PARN: variants seen among roughly 807,000 people sequenced by gnomAD.
PARN encodes the protein poly(A)-specific ribonuclease PARN.
Under a neutral mutation model 102.8 loss-of-function variants are expected in PARN, and 71 were observed. The ratio of observed to expected loss-of-function variants is 0.69; its 90% CI spans 0.57 to 0.84. The LOEUF is 0.84. Ranked by LOEUF, PARN falls within the 40% of genes least tolerant of loss-of-function variation. The probability of loss-of-function intolerance (pLI) is 0.00; values close to 1 mark genes in which losing one functional copy is unlikely to be tolerated. For synonymous variants in PARN, 261 were observed against 252.9 expected, an observed-to-expected ratio of 1.03 and a Z score of -0.30; for missense variants, 782 against 760.9, an observed-to-expected ratio of 1.03 and a Z score of -0.33.
chr16:14,485,197 C>T (rs1567312709), intron 21 of PARN, among the ~76,000 whole-genome samples: 2 of 151,904 alleles, frequency 1.3e-5, no homozygotes, highest in Non-Finnish European at 2.9e-5. Context: ...TGGAGATGTG[C>T]TATTGAGTAA....
intron 21 of PARN, among the ~76,000 whole-genome samples, chr16:14,524,020 A>G (rs1202030142): frequency 6.6e-6 from 1 of 152,196 alleles, no homozygotes; most frequent in African/African-American, 2.4e-5. Flanking sequence ...TTGTTTACCT[A>G]AACACAGAAA....
chr16:14,608,281 T>C lies in PARN; in HGVS notation c.659A>G (p.Lys220Arg). 6.5e-7 allele frequency: 1 copy of C among 1,534,786 alleles called. No homozygotes were observed. ...RKLIYQTLSW[K>R]YPKGIHVETL... ...TGCTGCATACAATATAAATACTTAC[T>C]TCCAGCTCAAAGTCTGATAAATTAG... The change falls in exon 9 of 24, where the codon AAG becomes AGG. Residue 220 changes from lysine to arginine, a missense_variant and splice_region_variant. Physicochemically the swap from Lys to Arg is conservative, Grantham distance 26 (BLOSUM62 2). Transcript: ENST00000437198.
intron 21 of PARN, among the ~76,000 whole-genome samples, chr16:14,548,069 C>A (rs1280640169): frequency 6.6e-6 from 1 of 151,848 alleles, no homozygotes; most frequent in East Asian, 1.9e-4. Context: ...ACGGTGAAAC[C>A]CTGTCCCTAC....
chr16:14,589,507 G>C (rs1714451230), intron 13 of PARN, among the ~76,000 whole-genome samples: 1 of 151,970 alleles, frequency 6.6e-6, no homozygotes, highest in South Asian at 2.1e-4. Context: ...TGAGGCTGCA[G>C]TGAGCCAAGA....
At chr16:14,600,178 T>G (rs917878301) in intron 11 of PARN, among the ~76,000 whole-genome samples, 2 of 152,196 alleles carry the variant, frequency 1.3e-5, no homozygotes, top group Non-Finnish European at 2.9e-5. Context: ...AAATGGAAAA[T>G]TATTCATTAG....
chr16:14,460,385 A>C (rs1196941382), intron 22 of PARN, among the ~76,000 whole-genome samples: 1 of 152,220 alleles, frequency 6.6e-6, no homozygotes, highest in Non-Finnish European at 1.5e-5. Flanking sequence ...GAGCTGAAGG[A>C]AACTTTACAA....
rs371266777 is a variant in PARN at position 14,532,387 on chromosome 16, C to T, written c.1480+19634G>A. 4.5e-4 allele frequency among the ~76,000 whole-genome samples: 68 copies of T among 151,776 alleles called. 1 individual carries two copies. The South Asian group carries it at 0.013, about 30-fold the overall frequency. ...GGGAGTGGTGATGACTCTTAAGGAG[C>T]ATGCTGCCTTCAAGCATCTGTTTAA... is the stretch of plus-strand genomic sequence containing the variant. On this transcript the variant is annotated intron_variant, in intron 21 of 23. Transcript: ENST00000437198.
chr16:14,567,600 C>T (rs1968509073), intron 18 of PARN, among the ~76,000 whole-genome samples: 1 of 152,156 alleles, frequency 6.6e-6, no homozygotes. Context: ...ATAACTACTA[C>T]CAAGTTCTTG....
intron 21 of PARN, among the ~76,000 whole-genome samples, chr16:14,531,234 A>G (rs1195162832): frequency 1.3e-5 from 2 of 152,112 alleles, no homozygotes; most frequent in Non-Finnish European, 2.9e-5. Context: ...AGTCCTAGCT[A>G]CTCAGCAGGC....
intron 21 of PARN, among the ~76,000 whole-genome samples, chr16:14,485,381 GTAAC>G (rs1963613684): frequency 6.6e-6 from 1 of 152,128 alleles, no homozygotes; most frequent in Non-Finnish European, 1.5e-5. Flanking sequence ...CTTCCATGTG[GTAAC>G]TGCTTACTGA....
intron 21 of PARN, among the ~76,000 whole-genome samples, chr16:14,514,969 T>C (rs992598534): frequency 1.3e-5 from 2 of 152,248 alleles, no homozygotes; most frequent in African/African-American, 4.8e-5. Context: ...GTTTCCATCA[T>C]GTAACTTCTC....
At chr16:14,555,430 C>T (rs1967622806) in intron 19 of PARN, among the ~76,000 whole-genome samples, 1 of 152,106 alleles carries the variant, frequency 6.6e-6, no homozygotes, top group Admixed American at 6.5e-5. Flanking sequence ...AAGATACATG[C>T]TTCTAAAATT....
chr16:14,519,508 T>C (rs1019013487), intron 21 of PARN, among the ~76,000 whole-genome samples: 2 of 152,132 alleles, frequency 1.3e-5, no homozygotes, highest in African/African-American at 2.4e-5. Context: ...GAAGTGCTGA[T>C]TCCAGGTCTG....
intron 17 of PARN, among the ~76,000 whole-genome samples, chr16:14,581,253 T>C (rs1244705525): frequency 6.6e-6 from 1 of 152,096 alleles, no homozygotes; most frequent in African/African-American, 2.4e-5. Context: ...GGTTTTTCCA[T>C]GTTGGTCAGG....
rs199617100 is a variant in PARN at position 14,452,970 on chromosome 16, G to GT, written c.1671-5890dup. Among the ~76,000 whole-genome samples, 501 of 152,292 alleles carry GT rather than the reference G, an allele frequency of 3.3e-3. 7 individuals are homozygous for GT. The highest frequency in any genetic ancestry group is 0.025 in the East Asian group (130 of 5,194). The stretch of plus-strand genomic sequence containing the variant: ...GGAAGGTACTGCTGTGCATGTGTGT[G>GT]TATGTGCATGCGTGTGTGTAGCACT... On this transcript the variant is annotated intron_variant, in intron 22 of 23. Coordinates refer to ENST00000437198, the MANE Select transcript of PARN (RefSeq NM_002582.4).
chr16:14,474,864 G>A (rs943212219), intron 22 of PARN, among the ~76,000 whole-genome samples: 5 of 152,166 alleles, frequency 3.3e-5, no homozygotes, highest in African/African-American at 1.2e-4. Context: ...CTTTGACAAG[G>A]CAATGGGTCC....
intron 8 of PARN, 137 bp from the exon 9 acceptor site, chr16:14,608,456 G>T: frequency 1.7e-6 from 1 of 603,348 alleles, no homozygotes; most frequent in South Asian, 2.4e-5. Flanking sequence ...ACAAAAATAC[G>T]CAGGTTTTTT....
chr16:14,454,909 A>G (rs960591544), intron 22 of PARN, among the ~76,000 whole-genome samples: 6 of 152,252 alleles, frequency 3.9e-5, no homozygotes, highest in African/African-American at 1.4e-4. Context: ...AGTAAGATAT[A>G]ATAATATATG....
At chr16:14,513,798 G>C (rs1441461837) in intron 21 of PARN, among the ~76,000 whole-genome samples, 4 of 152,200 alleles carry the variant, frequency 2.6e-5, no homozygotes, top group African/African-American at 9.6e-5. Flanking sequence ...TCTTAGAGAA[G>C]CCTCCCTGAC....
Sources: gnomAD v4.1 joint callset for allele counts (sites outside exome capture counted in the v4.1 genomes callset) on GRCh38, gnomAD v4.1.1 for gene constraint, MANE v1.5 for transcripts, NCBI Gene and HGNC (gene_info 2026-07-23, HGNC 2026-07-21) for gene names.